FAM110B: variants seen among roughly 807,000 people sequenced by gnomAD.
The protein encoded by FAM110B is protein FAM110B.
FAM110B carries 6 observed loss-of-function variants against 20.4 expected under a neutral mutation model. The ratio of observed to expected loss-of-function variants is 0.29; its 90% CI spans 0.16 to 0.58. FAM110B has a LOEUF of 0.58. FAM110B is among the 20% of genes least tolerant of loss of function. The pLI, the probability that FAM110B is intolerant of heterozygous loss-of-function variation, is 0.90. For synonymous variants in FAM110B, 226 were observed against 214.1 expected, an observed-to-expected ratio of 1.06 and a Z score of -0.49; for missense variants, 434 against 498.2, an observed-to-expected ratio of 0.87 and a Z score of 1.23.
At chr8:58,139,713 G>C (rs758423567) in intron 3 of FAM110B, among the ~76,000 whole-genome samples, 1 of 152,154 alleles carries the variant, frequency 6.6e-6, no homozygotes, top group African/African-American at 2.4e-5. Flanking sequence ...GGATCATGAG[G>C]TCAGGAGATC....
At chr8:58,025,576 G>T (rs1804838913) in intron 1 of FAM110B, among the ~76,000 whole-genome samples, 1 of 152,158 alleles carries the variant, frequency 6.6e-6, no homozygotes, top group Admixed American at 6.5e-5. Flanking sequence ...GGAGGGCATG[G>T]TCACAACTGG....
At chr8:58,041,531 G>A (rs1021449183) in intron 2 of FAM110B, among the ~76,000 whole-genome samples, 5 of 152,146 alleles carry the variant, frequency 3.3e-5, no homozygotes, top group African/African-American at 1.2e-4. Context: ...CCAACAGTTT[G>A]ATTTGTTGTT....
intron 2 of FAM110B, among the ~76,000 whole-genome samples, chr8:58,058,925 A>G (rs1254441331): frequency 6.6e-6 from 1 of 152,206 alleles, no homozygotes; most frequent in Non-Finnish European, 1.5e-5. Flanking sequence ...TATTTTCATC[A>G]TCCCAGCAAA....
At chr8:58,111,438 G>GT (rs1807055634) in intron 3 of FAM110B, among the ~76,000 whole-genome samples, 2 of 152,112 alleles carry the variant, frequency 1.3e-5, no homozygotes, top group African/African-American at 4.8e-5. Context: ...ATTGTGAGAG[G>GT]TTGGGGAACT....
intron 1 of FAM110B, among the ~76,000 whole-genome samples, chr8:58,028,922 TC>T (rs1250380529): frequency 6.6e-6 from 1 of 152,198 alleles, no homozygotes; most frequent in East Asian, 1.9e-4. Context: ...TACACTCTCA[TC>T]CCATGCAAAC....
chr8:58,066,151 A>G (rs778593678), intron 2 of FAM110B, among the ~76,000 whole-genome samples: 1 of 152,154 alleles, frequency 6.6e-6, no homozygotes, highest in Non-Finnish European at 1.5e-5. Context: ...TCATTTGAGG[A>G]AGAACAAAAA....
At chr8:58,104,709 G>A (rs957049451) in intron 3 of FAM110B, among the ~76,000 whole-genome samples, 1 of 152,016 alleles carries the variant, frequency 6.6e-6, no homozygotes, top group African/African-American at 2.4e-5. Context: ...GTTTGAAATC[G>A]TGTTTTTATA....
At chr8:58,096,644 C>G (rs540007757) in intron 3 of FAM110B, among the ~76,000 whole-genome samples, 1 of 152,270 alleles carries the variant, frequency 6.6e-6, no homozygotes, top group Admixed American at 6.5e-5. Context: ...TGTTGATGGT[C>G]CTTACAATTT....
chr8:58,082,077 C>T (rs1178070051), intron 3 of FAM110B, among the ~76,000 whole-genome samples: 1 of 152,116 alleles, frequency 6.6e-6, no homozygotes, highest in Non-Finnish European at 1.5e-5. Context: ...CAGGGAGCTG[C>T]GAGCACATGG....
At chr8:58,077,929 G>A (rs1563361567) in intron 3 of FAM110B, among the ~76,000 whole-genome samples, 2 of 152,276 alleles carry the variant, frequency 1.3e-5, no homozygotes, top group East Asian at 3.9e-4. Flanking sequence ...AAGTTACTTG[G>A]AGTTGTTTTT....
chr8:58,055,496 T>C (rs1197426075), intron 2 of FAM110B, among the ~76,000 whole-genome samples: 1 of 152,250 alleles, frequency 6.6e-6, no homozygotes, highest in African/African-American at 2.4e-5. Context: ...TCCTTAAACC[T>C]GTGGAGACAA....
intron 1 of FAM110B, among the ~76,000 whole-genome samples, chr8:57,999,737 ATAAAT>A (rs368409870): frequency 3.2e-4 from 48 of 152,316 alleles, no homozygotes; most frequent in African/African-American, 1.1e-3. Flanking sequence ...AAAATAGATA[ATAAAT>A]TAAATGAATA....
intron 2 of FAM110B, among the ~76,000 whole-genome samples, chr8:58,043,944 T>G (rs544843194): frequency 2.6e-5 from 4 of 152,362 alleles, no homozygotes; most frequent in Non-Finnish European, 5.9e-5. Flanking sequence ...TTCTCTTGAC[T>G]GCTATACTGT....
chr8:58,015,572 A>G (rs1035812454), intron 1 of FAM110B, among the ~76,000 whole-genome samples: 1 of 151,734 alleles, frequency 6.6e-6, no homozygotes, highest in Non-Finnish European at 1.5e-5. Context: ...GGGGCCGGGC[A>G]TGGTGACTCA....
chr8:58,131,062 C>G (rs2150634113), intron 3 of FAM110B, among the ~76,000 whole-genome samples: 1 of 152,312 alleles, frequency 6.6e-6, no homozygotes, highest in East Asian at 1.9e-4. Flanking sequence ...CACTGCCACT[C>G]CTTTAGAGCC....
At chr8:58,020,093 A>G (rs1804720488) in intron 1 of FAM110B, among the ~76,000 whole-genome samples, 2 of 152,126 alleles carry the variant, frequency 1.3e-5, no homozygotes, top group Admixed American at 6.6e-5. Context: ...GCCATTCAAT[A>G]AATTTTTAAT....
At chr8:58,075,275 T>TTTTTTTTGTGTGTGTGTGTGTGTG (rs1554521068) in intron 2 of FAM110B, among the ~76,000 whole-genome samples, 24 of 141,714 alleles carry the variant, frequency 1.7e-4, no homozygotes, top group African/African-American at 6.5e-4. Flanking sequence ...TTTTTTTTTT[T>TTTTTTTTGTGTGTGTGTGTGTGTG]TGTGTGTGTG....
In FAM110B at chr8:58,148,754, G is replaced by T. The variant is rs1803931002; in HGVS notation, c.*1411G>T. 1 of 167,082 alleles carries T rather than the reference G, an allele frequency of 6.0e-6. No homozygotes were observed. The highest frequency in any genetic ancestry group is 2.1e-4 in the South Asian group (1 of 4,832). 10.3% of individuals were successfully genotyped at this position (167,082 alleles called of 1,614,324 possible). ...AAATCTTTAAAGAAAAAAAGAAAAAGTTACGCTAATAAATTGCTGTGGTGC... is the reference window on the plus strand; with the variant it reads ...AAATCTTTAAAGAAAAAAAGAAAAATTTACGCTAATAAATTGCTGTGGTGC... On this transcript the variant is annotated 3_prime_UTR_variant, in exon 4 of 4. Coordinates refer to ENST00000519262, the MANE Select transcript of FAM110B (RefSeq NM_001377989.1).
At chr8:58,079,514 C>T (rs1225795520) in intron 3 of FAM110B, among the ~76,000 whole-genome samples, 8 of 152,210 alleles carry the variant, frequency 5.3e-5, no homozygotes, top group Admixed American at 1.3e-4. Flanking sequence ...TGGTGGCTTA[C>T]GCTTGTAATC....
Sources: gnomAD v4.1 joint callset for allele counts (sites outside exome capture counted in the v4.1 genomes callset) on GRCh38, gnomAD v4.1.1 for gene constraint, MANE v1.5 for transcripts, NCBI Gene and HGNC (gene_info 2026-07-23, HGNC 2026-07-21) for gene names.